ADGRV1: variants seen among roughly 807,000 people sequenced by gnomAD.
ADGRV1 encodes the protein G-protein coupled receptor 98.
In ADGRV1, 359 loss-of-function variants were observed where a neutral mutation model predicts 596.2. The observed-to-expected ratio is 0.60, with a 90% CI of 0.55 to 0.66. The LOEUF (loss-of-function observed/expected upper bound fraction) is 0.66, where lower values mean the gene tolerates loss of function less well. Among genes scored for constraint, ADGRV1 ranks in the 30% least tolerant of loss-of-function variants. ADGRV1 has a pLI of 0.00. For missense variants in ADGRV1, 7,274 were observed against 7,575.6 expected (o/e 0.96, Z 1.48); for synonymous variants, 2,681 against 2,679.2 (o/e 1.00, Z -0.02).
intron 52 of ADGRV1, among the ~76,000 whole-genome samples, chr5:90,748,343 T>A (rs1754855296): frequency 6.6e-6 from 1 of 152,232 alleles, no homozygotes; most frequent in African/African-American, 2.4e-5. Flanking sequence ...CTACATTTTT[T>A]AAAAAGTAGA....
At chr5:91,050,379 A>G (rs1395259071) in intron 85 of ADGRV1, among the ~76,000 whole-genome samples, 3 of 152,222 alleles carry the variant, frequency 2.0e-5, no homozygotes, top group Admixed American at 2.0e-4. Context: ...TTCATATAAA[A>G]TTAACAATTC....
chr5:90,706,419 C>A, intron 38 of ADGRV1, 25 bp downstream of exon 38: 4 of 1,475,930 alleles, frequency 2.7e-6, no homozygotes, highest in Non-Finnish European at 3.6e-6. Context: ...TTTTTTTAAT[C>A]TTAGGGGGAG....
At chr5:91,025,979 G>A (rs1010706626) in intron 85 of ADGRV1, among the ~76,000 whole-genome samples, 2 of 152,040 alleles carry the variant, frequency 1.3e-5, no homozygotes, top group Non-Finnish European at 2.9e-5. Context: ...TAATAATGAC[G>A]GTAATACTTA....
chr5:91,032,767 C>G (rs1784581596), intron 85 of ADGRV1, among the ~76,000 whole-genome samples: 1 of 152,086 alleles, frequency 6.6e-6, no homozygotes, highest in Admixed American at 6.6e-5. Flanking sequence ...AGGCTGTTTT[C>G]TCTTAGATGC....
chr5:91,029,454 T>C (rs918747655), intron 85 of ADGRV1, among the ~76,000 whole-genome samples: 29 of 152,202 alleles, frequency 1.9e-4, no homozygotes, highest in African/African-American at 6.8e-4. Context: ...CATTTCCATA[T>C]ACATATGTGC....
chr5:90,996,207 C>G lies in ADGRV1; in HGVS notation c.18152+10685C>G, dbSNP rs552688360. On this transcript the variant is annotated intron_variant, in intron 85 of 89. Transcript: ENST00000405460. ...GGCATTTCAGAAAACTTCACAGCAG[C>G]CTATCCCATTACAAGCCCAGAGGCC... Among the ~76,000 whole-genome samples, 5 of 152,246 alleles carry G rather than the reference C, an allele frequency of 3.3e-5. 1 individual carries two copies. The East Asian group carries it at 9.7e-4, about 29-fold the overall frequency.
intron 76 of ADGRV1, among the ~76,000 whole-genome samples, chr5:90,825,202 G>T (rs1763972404): frequency 6.6e-6 from 1 of 152,166 alleles, no homozygotes. Flanking sequence ...CTCCCAATGT[G>T]CTGGGATTAC....
intron 70 of ADGRV1, among the ~76,000 whole-genome samples, chr5:90,793,875 G>A (rs1157653141): frequency 6.6e-6 from 1 of 152,114 alleles, no homozygotes; most frequent in Non-Finnish European, 1.5e-5. Context: ...AAGTTGCACA[G>A]CTTCCTTCTC....
At chr5:90,665,995 C>T (rs1186965329) in intron 21 of ADGRV1, among the ~76,000 whole-genome samples, 3 of 151,140 alleles carry the variant, frequency 2.0e-5, no homozygotes, top group African/African-American at 7.3e-5. Context: ...GTTATAATCT[C>T]TGTTCTTTTA....
chr5:90,897,457 C>A (rs1312495157), intron 83 of ADGRV1, among the ~76,000 whole-genome samples: 2 of 152,072 alleles, frequency 1.3e-5, no homozygotes, highest in African/African-American at 4.8e-5. Context: ...GTGTGTAATA[C>A]ACATATATTG....
chr5:91,067,330 A>G (rs1405267761), intron 85 of ADGRV1, among the ~76,000 whole-genome samples: 1 of 151,732 alleles, frequency 6.6e-6, no homozygotes, highest in African/African-American at 2.4e-5. Context: ...TTTAGTAGAG[A>G]AGGGGTTTCT....
Position 90,643,792 on chromosome 5 carries a change from A to G in ADGRV1, c.2554-11A>G, listed in dbSNP as rs1398378989. 8 of 1,572,944 alleles carry G rather than the reference A, an allele frequency of 5.1e-6. No individual in the cohort carries two copies. The highest frequency in any genetic ancestry group is 1.3e-5 in the African/African-American group (1 of 74,110). ...CTTTATAATTTCCATACTTTGACAC[A>G]TTCACTTTAGTTGGATGAACACTAC... On this transcript the variant is annotated splice_polypyrimidine_tract_variant and intron_variant, in intron 13 of 89. Transcript: ENST00000405460.
At position 91,072,593 on chromosome 5, in the gene ADGRV1, C is replaced by T. The variant is rs1344685892; in HGVS notation, c.18299C>T (p.Thr6100Ile). ...TATGATGATGTCTTCAGAGGAAGGA[C>T]AAATGCTGCAGGTTTGAAAGGAACT... ...KAYDDVFRGR[T>I]NAAEIPLILY... The change falls in exon 86 of 90, where the codon ACA (threonine) becomes ATA (isoleucine). Residue 6100 changes from threonine to isoleucine, a missense_variant. This residue lies in a region of ADGRV1 where 1,874 missense variants were observed against 1,970.2 expected (regional missense o/e 0.95). Coordinates refer to ENST00000405460, the MANE Select transcript of ADGRV1 (RefSeq NM_032119.4). The T allele has an allele frequency of 6.2e-7, 1 of 1,613,596 alleles. No individual in the cohort carries two copies. The highest frequency in any genetic ancestry group is 2.2e-5 in the East Asian group (1 of 44,872).
chr5:90,680,035 T>G (rs1413185142), intron 26 of ADGRV1, among the ~76,000 whole-genome samples: 1 of 152,160 alleles, frequency 6.6e-6, no homozygotes, highest in Non-Finnish European at 1.5e-5. Context: ...ACTTATTCTC[T>G]GTACAAAAAA....
chr5:90,599,720 C>T (rs998645200), intron 1 of ADGRV1, among the ~76,000 whole-genome samples: 1 of 151,820 alleles, frequency 6.6e-6, no homozygotes, highest in Non-Finnish European at 1.5e-5. Flanking sequence ...TCGTAGCATA[C>T]CGAGATGACA....
At chr5:90,841,827 T>C (rs183880952) in intron 78 of ADGRV1, among the ~76,000 whole-genome samples, 1 of 152,212 alleles carries the variant, frequency 6.6e-6, no homozygotes, top group African/African-American at 2.4e-5. Flanking sequence ...GTGCATACTT[T>C]CCATCCAGTG....
Position 90,779,014 on chromosome 5 carries a change from G to T in ADGRV1, c.12999G>T (p.Leu4333=), listed in dbSNP as rs552416937. 6.2e-7 allele frequency: 1 copy of T among 1,613,364 alleles called. No homozygotes were observed. Among genetic ancestry groups the T allele is most frequent in the South Asian group, 1.1e-5 (1 of 91,058 alleles). The change falls in exon 64 of 90, where the codon CTG becomes CTT. Residue 4333 remains leucine, a synonymous_variant. Transcript: ENST00000405460. ...LFEAGEMRKS[L]HVEILDDDYP... ...AAGCAGGGGAGATGAGGAAAAGTCTGCATGTTGAAATCCTTGATGATGACT... is the reference window on the plus strand; with the variant it reads ...AAGCAGGGGAGATGAGGAAAAGTCTTCATGTTGAAATCCTTGATGATGACT...
intron 85 of ADGRV1, among the ~76,000 whole-genome samples, chr5:90,991,966 T>A (rs745913415): frequency 3.3e-5 from 5 of 152,248 alleles, no homozygotes; most frequent in Non-Finnish European, 7.3e-5. Flanking sequence ...GTTGTCAGGA[T>A]CTCTTCATGC....
At chr5:91,086,066 ATC>A (rs898096852) in intron 86 of ADGRV1, among the ~76,000 whole-genome samples, 12 of 152,088 alleles carry the variant, frequency 7.9e-5, no homozygotes, top group Admixed American at 5.9e-4. Flanking sequence ...TGAAAAGTCC[ATC>A]TCTCTTGGTT....
Sources: gnomAD v4.1 joint callset for allele counts (sites outside exome capture counted in the v4.1 genomes callset) on GRCh38, gnomAD v4.1.1 for gene constraint, gnomAD v4.1.1 regional missense constraint, MANE v1.5 for transcripts, NCBI Gene and HGNC (gene_info 2026-07-23, HGNC 2026-07-21) for gene names.